ADAMTSL1: variants seen among roughly 807,000 people sequenced by gnomAD.
The protein encoded by ADAMTSL1 is ADAMTS-like protein 1.
ADAMTSL1 carries 126 observed loss-of-function variants against 201.8 expected under a neutral mutation model. The ratio of observed to expected loss-of-function variants is 0.62; its 90% CI spans 0.54 to 0.72. ADAMTSL1 has a LOEUF of 0.72. Ranked by LOEUF, ADAMTSL1 falls within the 30% of genes least tolerant of loss-of-function variation. The pLI, the probability that ADAMTSL1 is intolerant of heterozygous loss-of-function variation, is 0.00. For synonymous variants in ADAMTSL1, 1,121 were observed against 903.4 expected, an observed-to-expected ratio of 1.24 and a Z score of -4.32; for missense variants, 2,679 against 2,277.8, an observed-to-expected ratio of 1.18 and a Z score of -3.59.
chr9:18,834,912 A>T (rs1288431756), intron 23 of ADAMTSL1, among the ~76,000 whole-genome samples: 2 of 152,300 alleles, frequency 1.3e-5, no homozygotes, highest in East Asian at 3.9e-4. Context: ...GGTTATTACA[A>T]ATCTGCTGTG....
chr9:18,728,547 T>C (rs1345664766), intron 15 of ADAMTSL1, among the ~76,000 whole-genome samples: 4 of 152,180 alleles, frequency 2.6e-5, no homozygotes, highest in African/African-American at 4.8e-5. Flanking sequence ...GACAAAACCC[T>C]GTCCTAAAGG....
intron 13 of ADAMTSL1, among the ~76,000 whole-genome samples, chr9:18,696,865 A>ATATTATTATTATTATTATTATTATTAT (rs142242579): frequency 4.9e-5 from 7 of 142,276 alleles, no homozygotes; most frequent in South Asian, 2.3e-4. Context: ...CATGTCAAAA[A>ATATTATTATTATTATTATTATTATTAT]TATTATTATT....
intron 23 of ADAMTSL1, among the ~76,000 whole-genome samples, chr9:18,838,655 T>A (rs987040956): frequency 4.6e-5 from 7 of 150,872 alleles, no homozygotes; most frequent in African/African-American, 1.5e-4. Context: ...AGCAAGACCT[T>A]ATCACTACAA....
intron 2 of ADAMTSL1, among the ~76,000 whole-genome samples, chr9:18,342,094 G>A (rs1835487622): frequency 6.6e-6 from 1 of 151,888 alleles, no homozygotes. Flanking sequence ...TTTCCCACTT[G>A]CTGCCTCAAG....
In ADAMTSL1 at chr9:18,200,430, T is replaced by G. The variant is rs556410561; in HGVS notation, c.207+36449T>G. Among the ~76,000 whole-genome samples, 8 of 152,246 alleles carry G rather than the reference T, an allele frequency of 5.3e-5. 1 individual carries two copies. The South Asian group carries it at 1.7e-3, about 32-fold the overall frequency. ...ACCAAAGGGATTATTATGCTTGATTTTGAAGAGATGATTACACATGGTGTT... is the reference window on the plus strand; with the variant it reads ...ACCAAAGGGATTATTATGCTTGATTGTGAAGAGATGATTACACATGGTGTT... On this transcript the variant is annotated intron_variant, in intron 2 of 29. Coordinates refer to the ADAMTSL1 transcript ENST00000680146.
chr9:18,739,093 A>G (rs970338789), intron 15 of ADAMTSL1, among the ~76,000 whole-genome samples: 1 of 152,204 alleles, frequency 6.6e-6, no homozygotes, highest in Non-Finnish European at 1.5e-5. Context: ...AATAGTACCT[A>G]TATCTTAGGG....
At chr9:18,251,685 G>T (rs759217033) in intron 2 of ADAMTSL1, among the ~76,000 whole-genome samples, 1 of 152,210 alleles carries the variant, frequency 6.6e-6, no homozygotes, top group African/African-American at 2.4e-5. Context: ...AAAGAGTTGT[G>T]TGTGAAGCTT....
chr9:17,931,592 G>T, intron 1 of ADAMTSL1, among the ~76,000 whole-genome samples: 1 of 152,144 alleles, frequency 6.6e-6, no homozygotes, highest in East Asian at 1.9e-4. Context: ...TCCACATCGT[G>T]CCTCTTTCAG....
chr9:18,527,890 C>T (rs1379487550), intron 2 of ADAMTSL1, among the ~76,000 whole-genome samples: 2 of 152,006 alleles, frequency 1.3e-5, no homozygotes, highest in East Asian at 1.9e-4. Context: ...TCCACCCGCC[C>T]CCCTCAAGAT....
chr9:18,270,690 G>A (rs1587437945), intron 2 of ADAMTSL1, among the ~76,000 whole-genome samples: 1 of 152,296 alleles, frequency 6.6e-6, no homozygotes, highest in East Asian at 1.9e-4. Flanking sequence ...AGGTGTGGTA[G>A]GGGAAGCTAA....
chr9:18,652,969 A>C (rs1218549447), intron 7 of ADAMTSL1, among the ~76,000 whole-genome samples: 1 of 152,200 alleles, frequency 6.6e-6, no homozygotes, highest in Non-Finnish European at 1.5e-5. Context: ...AAAAGTTTAA[A>C]TCAACTGTAG....
At position 18,420,614 on chromosome 9, in the gene ADAMTSL1, T is replaced by C. The variant is rs553319704; in HGVS notation, c.208-84215T>C. Among the ~76,000 whole-genome samples the C allele has an allele frequency of 1.3e-3, 196 of 152,246 alleles. 1 individual carries two copies. The highest frequency in any genetic ancestry group is 4.6e-3 in the African/African-American group (192 of 41,532). ...ACTCACCTGTGTTATCTGGTGTATA[T>C]TTATTCTTTCAGTGCTATTGCTGGT... On this transcript the variant is annotated intron_variant, in intron 2 of 29. Coordinates refer to the ADAMTSL1 transcript ENST00000680146.
At chr9:17,972,545 T>G (rs1346422053) in intron 1 of ADAMTSL1, among the ~76,000 whole-genome samples, 1 of 152,040 alleles carries the variant, frequency 6.6e-6, no homozygotes, top group Non-Finnish European at 1.5e-5. Flanking sequence ...TGCCACATTT[T>G]CTTAATCCAG....
At chr9:18,640,980 CA>C (rs1453071409) in intron 7 of ADAMTSL1, among the ~76,000 whole-genome samples, 1 of 151,984 alleles carries the variant, frequency 6.6e-6, no homozygotes, top group Non-Finnish European at 1.5e-5. Flanking sequence ...GGTTAGAAGA[CA>C]AATCCATAGC....
chr9:18,220,161 A>T (rs1312064655), intron 2 of ADAMTSL1, among the ~76,000 whole-genome samples: 2 of 152,134 alleles, frequency 1.3e-5, no homozygotes, highest in South Asian at 2.1e-4. Flanking sequence ...TCGTATCTTT[A>T]CTAATTTTTC....
At chr9:18,578,925 C>T (rs891991899) in intron 4 of ADAMTSL1, among the ~76,000 whole-genome samples, 1 of 151,130 alleles carries the variant, frequency 6.6e-6, no homozygotes, top group Non-Finnish European at 1.5e-5. Flanking sequence ...GCCATTCTAA[C>T]TGGTGTGAGA....
At chr9:18,806,097 G>A (rs1277270461) in intron 20 of ADAMTSL1, among the ~76,000 whole-genome samples, 2 of 152,168 alleles carry the variant, frequency 1.3e-5, no homozygotes, top group Non-Finnish European at 2.9e-5. Context: ...CAATGTTAAA[G>A]GAATGGAAGG....
chr9:18,824,177 T>C (rs1254092978), intron 21 of ADAMTSL1, among the ~76,000 whole-genome samples: 1 of 87,514 alleles, frequency 1.1e-5, no homozygotes, highest in African/African-American at 3.6e-5. Flanking sequence ...CTAAATGCCG[T>C]GGATTTTTTT....
intron 19 of ADAMTSL1, among the ~76,000 whole-genome samples, chr9:18,779,102 C>A (rs1220293420): frequency 3.3e-5 from 5 of 152,146 alleles, no homozygotes; most frequent in African/African-American, 1.2e-4. Flanking sequence ...ACATTCAATC[C>A]ACATGATTGA....
Sources: gnomAD v4.1 joint callset for allele counts (sites outside exome capture counted in the v4.1 genomes callset) on GRCh38, gnomAD v4.1.1 for gene constraint, MANE v1.5 for transcripts, NCBI Gene and HGNC (gene_info 2026-07-23, HGNC 2026-07-21) for gene names.